DRC11: variants seen among roughly 807,000 people sequenced by gnomAD.
The protein encoded by DRC11 is dynein regulatory complex subunit 11.
chr2:236,363,975 AG>A, the DRC11 span: 11 of 1,612,204 alleles, frequency 6.8e-6, no homozygotes, highest in East Asian at 2.2e-4. The surrounding 1 kb of genome is among the most constrained non-coding windows in gnomAD (Gnocchi z 5.6). Context: ...GCACTGCTGC[AG>A]AACCTAAAAA....
chr2:236,421,257 C>T, the DRC11 span, among the ~76,000 whole-genome samples: 2 of 152,010 alleles, frequency 1.3e-5, no homozygotes, highest in Non-Finnish European at 2.9e-5. Context: ...TTCAAAAAAT[C>T]AATGAATCCA....
chr2:236,329,013 T>G, the DRC11 span, among the ~76,000 whole-genome samples: 2 of 152,190 alleles, frequency 1.3e-5, no homozygotes, highest in Non-Finnish European at 2.9e-5. Context: ...TTCCCTTGCC[T>G]TTTGCAGCTC....
At chr2:236,405,289 G>A in the DRC11 span, among the ~76,000 whole-genome samples, 1 of 152,022 alleles carries the variant, frequency 6.6e-6, no homozygotes, top group African/African-American at 2.4e-5. The surrounding 1 kb of genome is among the most constrained non-coding windows in gnomAD (Gnocchi z 4.6). Flanking sequence ...GGAGAAGTGC[G>A]TTCTCACCTG....
the DRC11 span, among the ~76,000 whole-genome samples, chr2:236,469,602 T>C: frequency 1.3e-5 from 2 of 152,250 alleles, no homozygotes; most frequent in African/African-American, 4.8e-5. This position sits in a 1 kb window ranked among gnomAD's most constrained non-coding sequence, Gnocchi z 5.8. Flanking sequence ...AGTATGTGTG[T>C]ATTCATGCAT....
At chr2:236,326,388 T>C in the DRC11 span, among the ~76,000 whole-genome samples, 1 of 152,190 alleles carries the variant, frequency 6.6e-6, no homozygotes, top group Non-Finnish European at 1.5e-5. Context: ...TTTTTATGGA[T>C]TTTACCTTCT....
At chr2:236,500,074 T>C in the DRC11 span, among the ~76,000 whole-genome samples, 75 of 146,056 alleles carry the variant, frequency 5.1e-4, 1 homozygote, top group South Asian at 0.015. The surrounding 1 kb of genome is among the most constrained non-coding windows in gnomAD (Gnocchi z 6.3). Context: ...TGCAAGACTT[T>C]TGGGTTCAGA....
the DRC11 span, among the ~76,000 whole-genome samples, chr2:236,402,286 C>G: frequency 2.6e-5 from 4 of 152,368 alleles, no homozygotes; most frequent in East Asian, 7.7e-4. The surrounding 1 kb of genome is among the most constrained non-coding windows in gnomAD (Gnocchi z 6.0). Context: ...CCACGGGTTA[C>G]CAGCTCACTC....
chr2:236,462,672 A>AAAAC, the DRC11 span, among the ~76,000 whole-genome samples: 189 of 152,210 alleles, frequency 1.2e-3, 1 homozygote, highest in African/African-American at 4.1e-3. This position sits in a 1 kb window ranked among gnomAD's most constrained non-coding sequence, Gnocchi z 6.4. Context: ...CCCTGCCTCA[A>AAAAC]AAACAAACAA....
the DRC11 span, among the ~76,000 whole-genome samples, chr2:236,371,620 T>C: frequency 6.6e-6 from 1 of 152,144 alleles, no homozygotes; most frequent in South Asian, 2.1e-4. This position sits in a 1 kb window ranked among gnomAD's most constrained non-coding sequence, Gnocchi z 5.1. Context: ...CTTGTCCTGG[T>C]TTTATGGGTA....
At chr2:236,326,628 T>C in the DRC11 span, among the ~76,000 whole-genome samples, 1 of 152,214 alleles carries the variant, frequency 6.6e-6, no homozygotes, top group African/African-American at 2.4e-5. Flanking sequence ...CATAATTATC[T>C]CTTCTCATTT....
the DRC11 span, among the ~76,000 whole-genome samples, chr2:236,340,581 C>A: frequency 2.0e-5 from 3 of 151,958 alleles, no homozygotes; most frequent in African/African-American, 7.3e-5. Flanking sequence ...TGTGAGCTGC[C>A]CAAAGAACAG....
At chr2:236,491,245 A>AGT in the DRC11 span, among the ~76,000 whole-genome samples, 23 of 44,634 alleles carry the variant, frequency 5.2e-4, 1 homozygote, top group South Asian at 1.0e-2. Flanking sequence ...ATATATACAC[A>AGT]GTATATATAT....
the DRC11 span, among the ~76,000 whole-genome samples, chr2:236,357,168 C>CTGTATAT: frequency 3.7e-5 from 3 of 80,512 alleles, no homozygotes; most frequent in African/African-American, 6.1e-5. Context: ...TCATATATAT[C>CTGTATAT]TATATATTAT....
chr2:236,404,965 G>A, the DRC11 span, among the ~76,000 whole-genome samples: 8 of 152,288 alleles, frequency 5.3e-5, no homozygotes, highest in Admixed American at 2.0e-4. Flanking sequence ...AAGGGGCAAA[G>A]CAGCTCTCTG....
chr2:236,405,508 C>T, the DRC11 span, among the ~76,000 whole-genome samples: 2 of 152,106 alleles, frequency 1.3e-5, no homozygotes, highest in South Asian at 2.1e-4. The surrounding 1 kb of genome is among the most constrained non-coding windows in gnomAD (Gnocchi z 4.6). Context: ...CCTGCCCGGT[C>T]TCTGGGTACC....
the DRC11 span, among the ~76,000 whole-genome samples, chr2:236,477,074 T>A: frequency 6.6e-6 from 1 of 152,204 alleles, no homozygotes; most frequent in Admixed American, 6.5e-5. Context: ...TTTTCTTTTT[T>A]TGTTGTGTCT....
chr2:236,351,761 G>A, the DRC11 span, among the ~76,000 whole-genome samples: 6 of 152,032 alleles, frequency 3.9e-5, no homozygotes, highest in South Asian at 2.1e-4. This position sits in a 1 kb window ranked among gnomAD's most constrained non-coding sequence, Gnocchi z 7.3. Context: ...AGCCCGCAGC[G>A]GGGGATAGGC....
chr2:236,359,816 A>C, the DRC11 span, among the ~76,000 whole-genome samples: 3 of 152,062 alleles, frequency 2.0e-5, no homozygotes, highest in Non-Finnish European at 4.4e-5. This position sits in a 1 kb window ranked among gnomAD's most constrained non-coding sequence, Gnocchi z 4.3. Context: ...TAATTGATTG[A>C]CTCCCACTCC....
At chr2:236,507,449 G>A in the DRC11 span, 9 of 639,228 alleles carry the variant, frequency 1.4e-5, no homozygotes, top group Admixed American at 1.3e-4. Flanking sequence ...AGGTGAGGCC[G>A]GGTTTGCTTC....
Sources: gnomAD v4.1 joint callset for allele counts (sites outside exome capture counted in the v4.1 genomes callset) on GRCh38, gnomAD v4.1.1 for gene constraint, Gnocchi (gnomAD v3.1) non-coding constraint, MANE v1.5 for transcripts, NCBI Gene and HGNC (gene_info 2026-07-23, HGNC 2026-07-21) for gene names.